Variants in SRRM3 observed in about 807,000 individuals in gnomAD.
SRRM3 encodes the protein serine/arginine repetitive matrix protein 3.
SRRM3 carries 27 observed loss-of-function variants against 66.2 expected under a neutral mutation model. That is an observed-to-expected ratio of 0.41 (90% confidence interval 0.30 to 0.56). SRRM3 has a LOEUF of 0.56. SRRM3 is among the 20% of genes least tolerant of loss of function. The pLI is 0.32. For synonymous variants in SRRM3, 391 were observed against 414.9 expected, an observed-to-expected ratio of 0.94 and a Z score of 0.70; for missense variants, 918 against 991.9, an observed-to-expected ratio of 0.93 and a Z score of 1.00.
chr7:76,231,843 G>A (rs1801023742), intron 1 of SRRM3, among the ~76,000 whole-genome samples: 1 of 152,190 alleles, frequency 6.6e-6, no homozygotes, highest in Non-Finnish European at 1.5e-5. Context: ...GGGCCCTGAG[G>A]GATGAGTTGA....
Position 76,248,244 on chromosome 7 carries a change from A to G in SRRM3, c.290A>G (p.Glu97Gly). ...GGGACATTCCGGCAGATGCTGATGG[A>G]GAAGGAGGGAGTGCTCACCAGGGAG... is the stretch of plus-strand genomic sequence containing the variant. ...KVGTFRQMLM[E>G]KEGVLTREDR... The change falls in exon 3 of 15, where the codon GAG becomes GGG. Residue 97 changes from glutamate (E) to glycine (G), a missense_variant. By Grantham distance (98) the Glu-to-Gly change is moderately conservative. Coordinates refer to ENST00000611745, the MANE Select transcript of SRRM3 (RefSeq NM_001110199.3). The G allele has an allele frequency of 1.9e-6, 3 of 1,613,790 alleles. No homozygotes were observed. Among genetic ancestry groups the G allele is most frequent in the Non-Finnish European group, 2.5e-6 (3 of 1,179,834 alleles).
intron 1 of SRRM3, among the ~76,000 whole-genome samples, chr7:76,227,858 TTTTGTTTTTTGTTTTTCTG>T (rs1346804631): frequency 2.6e-4 from 39 of 152,090 alleles, no homozygotes; most frequent in Non-Finnish European, 4.9e-4. Flanking sequence ...AACTGCTTAG[TTTTGTTTTTTGTTTTTCTG>T]TTTGTTTTTT....
chr7:76,264,845 C>CA (rs1554609266), intron 9 of SRRM3, 30 bp downstream of exon 9: 1 of 1,610,842 alleles, frequency 6.2e-7, no homozygotes, highest in Non-Finnish European at 8.5e-7. Context: ...TCCAGCCCCC[C>CA]ATTCGTTCTC....
Position 76,281,796 on chromosome 7 carries a change from G to C in SRRM3, c.1364G>C (p.Gly455Ala), listed in dbSNP as rs1378072897. The C allele has an allele frequency of 1.0e-4, 140 of 1,379,308 alleles. No homozygotes were observed. The highest frequency in any genetic ancestry group is 1.3e-4 in the Non-Finnish European group (138 of 1,067,574). 85.4% of individuals were successfully genotyped at this position (1,379,308 alleles called of 1,614,324 possible). A position where few individuals can be genotyped will look rare whatever the true frequency, so the allele number is the denominator to read the frequency against. ...PGSERGHGGH[G>A]KRAKERPPRA... ...TCTGAGCGAGGCCACGGCGGACACG[G>C]GAAACGGTGAGCGTGCTGGACCCGG... is the stretch of plus-strand genomic sequence containing the variant. Residue 455 changes from glycine to alanine, a missense_variant, in exon 12 of 15, where the codon GGG (glycine) becomes GCG (alanine). By Grantham distance (60) the Gly-to-Ala change is moderately conservative. Coordinates refer to ENST00000611745, the MANE Select transcript of SRRM3 (RefSeq NM_001110199.3).
Position 76,281,522 on chromosome 7 carries a change from C to T in SRRM3, c.1090C>T (p.Pro364Ser), listed in dbSNP as rs1458121623. 8.4e-7 allele frequency: 1 copy of T among 1,193,210 alleles called. No individual in the cohort carries two copies. Among genetic ancestry groups the T allele is most frequent in the Non-Finnish European group, 1.0e-6 (1 of 961,588 alleles). 73.9% of individuals were successfully genotyped at this position (1,193,210 alleles called of 1,614,324 possible). A position where few individuals can be genotyped will look rare whatever the true frequency, so the allele number is the denominator to read the frequency against. ...PTPPARGKESPSPRSAPSSQG... is the reference protein window; with the variant it reads ...PTPPARGKESSSPRSAPSSQG... ...GCCGCCCGCGCGGGGGAAGGAGAGC[C>T]CGAGCCCGCGCTCGGCGCCGTCGTC... Residue 364 changes from proline (P) to serine (S), a missense_variant, in exon 12 of 15, where the codon CCG becomes TCG. By Grantham distance (74) the Pro-to-Ser change is moderately conservative. Transcript: ENST00000611745.
intron 3 of SRRM3, among the ~76,000 whole-genome samples, chr7:76,255,354 G>A (rs782441332): frequency 6.6e-6 from 1 of 151,852 alleles, no homozygotes; most frequent in Non-Finnish European, 1.5e-5. Context: ...TCTCCATGCT[G>A]GTCAGGCTGG....
At chr7:76,271,797 G>C (rs1294105289) in intron 11 of SRRM3, among the ~76,000 whole-genome samples, 1 of 152,184 alleles carries the variant, frequency 6.6e-6, no homozygotes, top group Non-Finnish European at 1.5e-5. Context: ...GGTTGACTCA[G>C]CTCCTGCTTT....
intron 1 of SRRM3, among the ~76,000 whole-genome samples, chr7:76,211,586 G>A (rs185325601): frequency 5.8e-4 from 88 of 152,220 alleles, no homozygotes; most frequent in African/African-American, 1.9e-3. Context: ...GGGGGCCTGC[G>A]GTGTGTTTTC....
intron 1 of SRRM3, among the ~76,000 whole-genome samples, chr7:76,227,577 G>A (rs118169629): frequency 6.6e-6 from 1 of 152,206 alleles, no homozygotes; most frequent in Non-Finnish European, 1.5e-5. Context: ...TTGCTGGGAA[G>A]CCTGCCTTGA....
chr7:76,263,534 C>T (rs1801932057), intron 8 of SRRM3, among the ~76,000 whole-genome samples: 1 of 152,058 alleles, frequency 6.6e-6, no homozygotes. Flanking sequence ...GAGGGGGCAG[C>T]CCTGCAGATG....
rs1554611947 is a variant in SRRM3, at chr7:76,281,767, C to G, written c.1335C>G (p.Pro445=). 17 of 1,385,382 alleles carry G rather than the reference C, an allele frequency of 1.2e-5. No homozygotes were observed. The highest frequency in any genetic ancestry group is 1.5e-5 in the Non-Finnish European group (16 of 1,068,810). 85.8% of individuals were successfully genotyped at this position (1,385,382 alleles called of 1,614,324 possible). Residue 445 remains proline, a synonymous_variant, in exon 12 of 15, where the codon CCC becomes CCG. Transcript: ENST00000611745. Reference sequence around the variant, plus strand: ...GCGCCCCCGGCCCCGGGCCCGAGCCCGGCTCTGAGCGAGGCCACGGCGGAC... The same window carrying G: ...GCGCCCCCGGCCCCGGGCCCGAGCCGGGCTCTGAGCGAGGCCACGGCGGAC... ...GRGAPGPGPE[P]GSERGHGGHG...
intron 1 of SRRM3, among the ~76,000 whole-genome samples, chr7:76,210,246 G>GA (rs1800397649): frequency 1.3e-5 from 2 of 152,252 alleles, no homozygotes; most frequent in East Asian, 3.9e-4. Flanking sequence ...AAGACTGGCA[G>GA]AACCTCCAAG....
chr7:76,222,825 A>G (rs1231074881), intron 1 of SRRM3, among the ~76,000 whole-genome samples: 3 of 151,890 alleles, frequency 2.0e-5, no homozygotes, highest in Non-Finnish European at 4.4e-5. Flanking sequence ...CAGGCTGACC[A>G]GGCTGGTCTC....
At position 76,285,898 on chromosome 7, in the gene SRRM3, G is replaced by T. The variant is rs1404911707; in HGVS notation, c.*55G>T. On this transcript the variant is annotated 3_prime_UTR_variant, in exon 15 of 15. Coordinates refer to ENST00000611745, the MANE Select transcript of SRRM3 (RefSeq NM_001110199.3). The surrounding 1 kb of genome is among the most constrained non-coding windows in gnomAD (Gnocchi z 4.1). ...TGGCACTGGGAGAGGCGAGGGGCGG[G>T]CCCCAGGACCCCAGTGGGGAGGGGG... The T allele has an allele frequency of 1.3e-6, 2 of 1,498,008 alleles. No individual in the cohort carries two copies. Among genetic ancestry groups the T allele is most frequent in the Non-Finnish European group, 1.8e-6 (2 of 1,116,290 alleles). The allele number at this position is 1,498,008 out of a possible 1,614,324, so 92.8% of individuals were successfully genotyped here.
intron 11 of SRRM3, among the ~76,000 whole-genome samples, chr7:76,279,426 T>C (rs1802440298): frequency 6.6e-6 from 1 of 151,532 alleles, no homozygotes; most frequent in Admixed American, 6.6e-5. Context: ...ACATCTGCCC[T>C]GGAGGTGCTA....
At chr7:76,233,972 G>A (rs569164851) in intron 1 of SRRM3, among the ~76,000 whole-genome samples, 84 of 152,158 alleles carry the variant, frequency 5.5e-4, no homozygotes, top group South Asian at 1.7e-3. Flanking sequence ...CCAGAGAGGG[G>A]AGGGTGTGTT....
chr7:76,242,857 A>G (rs1385876388), intron 2 of SRRM3, among the ~76,000 whole-genome samples: 7 of 152,166 alleles, frequency 4.6e-5, no homozygotes, highest in African/African-American at 1.7e-4. Context: ...AATGGGAGTG[A>G]TAGGGAGCAG....
At chr7:76,278,971 G>A (rs1269871263) in intron 11 of SRRM3, among the ~76,000 whole-genome samples, 3 of 152,178 alleles carry the variant, frequency 2.0e-5, no homozygotes, top group Admixed American at 2.0e-4. Context: ...GTCTGCCAGT[G>A]GCCGGGCTCG....
intron 1 of SRRM3, among the ~76,000 whole-genome samples, chr7:76,224,649 C>T (rs1443145631): frequency 6.6e-6 from 1 of 152,122 alleles, no homozygotes; most frequent in Non-Finnish European, 1.5e-5. Context: ...GTATTAGCTA[C>T]GAGGGTCTGC....
Sources: gnomAD v4.1 joint callset for allele counts (sites outside exome capture counted in the v4.1 genomes callset) on GRCh38, gnomAD v4.1.1 for gene constraint, Gnocchi (gnomAD v3.1) non-coding constraint, MANE v1.5 for transcripts, NCBI Gene and HGNC (gene_info 2026-07-23, HGNC 2026-07-21) for gene names.